Variants in RPL5 observed in about 807,000 individuals in gnomAD.
The protein encoded by RPL5 is large ribosomal subunit protein uL18.
Under a neutral mutation model 38.4 loss-of-function variants are expected in RPL5, and 1 was observed. The ratio of observed to expected loss-of-function variants is 0.03; its 90% confidence interval spans 0.01 to 0.12. The LOEUF is 0.12. RPL5 is among the 10% of genes least tolerant of loss of function. The pLI is 1.00. For synonymous variants in RPL5, 109 were observed against 121.2 expected (o/e 0.90, Z 0.66); for missense variants, 243 against 374.1 (o/e 0.65, Z 2.89).
chr1:92,833,737 G>A, intron 3 of RPL5, 77 bp downstream of exon 3: 1 of 1,158,778 alleles, frequency 8.6e-7, no homozygotes, highest in East Asian at 2.4e-5. Flanking sequence ...CATGGTGTGT[G>A]TGTTAGAAGG....
chr1:92,841,708 T>C (rs1687370332), intron 7 of RPL5, 58 bp from the exon 8 acceptor site: 11 of 1,060,208 alleles, frequency 1.0e-5, no homozygotes, highest in Admixed American at 2.7e-5. Context: ...AATTTTAAAT[T>C]AAATATTCTA....
chr1:92,832,745 G>C (rs768958182), intron 1 of RPL5: 18 of 459,482 alleles, frequency 3.9e-5, no homozygotes, highest in Non-Finnish European at 6.5e-5. Context: ...TTAATTATTG[G>C]GGTAGGGCCC....
chr1:92,833,744 A>T, intron 3 of RPL5, 84 bp downstream of exon 3: 1 of 1,100,088 alleles, frequency 9.1e-7, no homozygotes. Context: ...TGTGTGTTAG[A>T]AGGGCTGTCT....
chr1:92,839,471 T>G (rs1225312917), intron 6 of RPL5, among the ~76,000 whole-genome samples: 2 of 152,112 alleles, frequency 1.3e-5, no homozygotes, highest in African/African-American at 2.4e-5. Context: ...AGGGATAGAT[T>G]GGTGGTAGTG....
rs1234101518 is a variant in RPL5, at chr1:92,832,044, T to C, written c.-71T>C. Reference sequence around the variant, plus strand: ...CGCCTGCGCAAGGGCTGTGGCCCTTTTCCCACCCCCTAGCGCCGCTGGGCC... The same window carrying C: ...CGCCTGCGCAAGGGCTGTGGCCCTTCTCCCACCCCCTAGCGCCGCTGGGCC... On this transcript the variant is annotated 5_prime_UTR_variant, in exon 1 of 8. Coordinates refer to ENST00000370321, the MANE Select transcript of RPL5 (RefSeq NM_000969.5). The C allele has an allele frequency of 1.2e-6, 2 of 1,607,508 alleles. No individual in the cohort carries two copies. Among genetic ancestry groups the C allele is most frequent in the Non-Finnish European group, 1.7e-6 (2 of 1,177,320 alleles).
chr1:92,832,727 A>C (rs1242535707), intron 1 of RPL5: 2 of 425,720 alleles, frequency 4.7e-6, no homozygotes, highest in Non-Finnish European at 8.4e-6. Flanking sequence ...CCGTCGCCGG[A>C]TGAGTTTTTA....
chr1:92,839,221 T>C (rs894354870), intron 6 of RPL5, among the ~76,000 whole-genome samples: 1 of 152,194 alleles, frequency 6.6e-6, no homozygotes, highest in Admixed American at 6.5e-5. Context: ...TAGCTGGGCA[T>C]GGTGGCTCAC....
chr1:92,841,849 G>A lies in RPL5; in HGVS notation c.878G>A (p.Arg293Gln), dbSNP rs931986000. The stretch of plus-strand genomic sequence containing the variant: ...GCAAGCTTCCTCAGAGCTCAGGAGC[G>A]GGCTGCTGAGAGCTAAACCCAGCAA... ...KKASFLRAQERAAES is the reference protein window; with the variant it reads ...KKASFLRAQEQAAES Residue 293 changes from arginine (R) to glutamine (Q), a missense_variant, in exon 8 of 8, where the codon CGG becomes CAG. Physicochemically the swap from Arg to Gln is conservative, Grantham distance 43. Transcript: ENST00000370321. The A allele has an allele frequency of 5.0e-6, 8 of 1,611,194 alleles. No individual in the cohort carries two copies. Among genetic ancestry groups the A allele is most frequent in the South Asian group, 2.2e-5 (2 of 90,966 alleles).
In RPL5 at chr1:92,832,082, T is replaced by G. The variant is rs1157134251; in HGVS notation, c.-33T>G. 5 of 1,613,860 alleles carry G rather than the reference T, an allele frequency of 3.1e-6. No individual in the cohort carries two copies. In the Admixed American group the frequency reaches 6.7e-5, roughly 22 times the overall value. On this transcript the variant is annotated 5_prime_UTR_variant, in exon 1 of 8. Transcript: ENST00000370321. Reference sequence around the variant, plus strand: ...GCGCCGCTGGGCCTGCAGGTCTCTGTCGAGCAGCGGACGCCGGTCTCTGTT... The same window carrying G: ...GCGCCGCTGGGCCTGCAGGTCTCTGGCGAGCAGCGGACGCCGGTCTCTGTT...
chr1:92,840,849 G>A, intron 7 of RPL5: 1 of 686,398 alleles, frequency 1.5e-6, no homozygotes, highest in Non-Finnish European at 2.7e-6. Flanking sequence ...TCCTAGTACA[G>A]TCTAAGTACT....
At chr1:92,838,844 C>A (rs763745777) in intron 6 of RPL5, among the ~76,000 whole-genome samples, 5 of 152,138 alleles carry the variant, frequency 3.3e-5, no homozygotes, top group Non-Finnish European at 7.3e-5. Flanking sequence ...AATTAACTTT[C>A]AAAATGGGTA....
chr1:92,835,546 A>G (rs912031838), intron 4 of RPL5, among the ~76,000 whole-genome samples: 19 of 151,468 alleles, frequency 1.3e-4, no homozygotes, highest in African/African-American at 4.1e-4. Flanking sequence ...TGTAGTCCCA[A>G]CTACTTGGGA....
rs773855879 is a variant in RPL5, at chr1:92,833,454, A to G, written c.69A>G (p.Arg23=). 1.2e-6 allele frequency: 2 copies of G among 1,614,098 alleles called. No homozygotes were observed. The highest frequency in any genetic ancestry group is 1.7e-5 in the Admixed American group (1 of 60,036). The change falls in exon 2 of 8, where the codon CGA becomes CGG. Residue 23 remains arginine, a synonymous_variant. Coordinates refer to ENST00000370321, the MANE Select transcript of RPL5 (RefSeq NM_000969.5). ...GATACCAAGTGAAATTTAGAAGACG[A>G]CGAGGTACTGTCACCTTTTTGTGTT... ...FKRYQVKFRR[R]REGKTDYYAR...
In RPL5 at chr1:92,833,426, A is replaced by G; in HGVS notation, c.41A>G (p.Lys14Arg). The change falls in exon 2 of 8, where the codon AAG (lysine) becomes AGG (arginine). Residue 14 changes from lysine to arginine, a missense_variant. By Grantham distance (26) the Lys-to-Arg change is conservative. Transcript: ENST00000370321. ...VKVVKNKAYF[K>R]RYQVKFRRRR... ...GTTGTTAAGAATAAGGCCTACTTTA[A>G]GAGATACCAAGTGAAATTTAGAAGA... 6.2e-7 allele frequency: 1 copy of G among 1,614,028 alleles called. No individual in the cohort carries two copies. Among genetic ancestry groups the G allele is most frequent in the Non-Finnish European group, 8.5e-7 (1 of 1,179,902 alleles).
At chr1:92,836,984 G>A in intron 5 of RPL5, 1 of 235,244 alleles carries the variant, frequency 4.3e-6, no homozygotes, top group Non-Finnish European at 8.5e-6. Flanking sequence ...AGTAATTTTT[G>A]GTAAGCCTAA....
At chr1:92,841,634 T>C in intron 7 of RPL5, 132 bp from the exon 8 acceptor site, 1 of 542,820 alleles carries the variant, frequency 1.8e-6, no homozygotes, top group Non-Finnish European at 3.0e-6. Flanking sequence ...TATTTGAACT[T>C]GGATTATTTA....
intron 4 of RPL5, 116 bp downstream of exon 4, chr1:92,835,029 C>T: frequency 6.8e-7 from 1 of 1,461,690 alleles, no homozygotes; most frequent in Non-Finnish European, 9.5e-7. Context: ...AGAGTGCTTG[C>T]TTCCAGTTTT....
At chr1:92,833,071 A>T in intron 1 of RPL5, 1 of 720,746 alleles carries the variant, frequency 1.4e-6, no homozygotes, top group Non-Finnish European at 2.5e-6. Flanking sequence ...AAGCGTTTAA[A>T]ACCTTTTGAA....
intron 6 of RPL5, 95 bp downstream of exon 6, chr1:92,837,728 G>C (rs549274227): frequency 4.1e-6 from 4 of 978,718 alleles, no homozygotes; most frequent in Non-Finnish European, 6.4e-6. Context: ...ATATAGGTGT[G>C]TTTCTTGACA....
Sources: allele counts gnomAD v4.1 joint callset (sites outside exome capture counted in the v4.1 genomes callset), GRCh38; gene constraint gnomAD v4.1.1; transcripts MANE v1.5; gene names NCBI Gene and HGNC (gene_info 2026-07-23, HGNC 2026-07-21).